Variants in MAGI1 observed in about 807,000 individuals in gnomAD.
MAGI1 encodes membrane-associated guanylate kinase, WW and PDZ domain-containing protein 1.
MAGI1 carries 58 observed loss-of-function variants against 139.9 expected under a neutral mutation model. The ratio of observed to expected loss-of-function variants is 0.41; its 90% CI spans 0.34 to 0.52. The LOEUF is 0.52. Among genes scored for constraint, MAGI1 ranks in the 20% least tolerant of loss-of-function variants. The probability of loss-of-function intolerance (pLI) is 0.12; values close to 1 mark genes in which losing one functional copy is unlikely to be tolerated. For missense variants in MAGI1, 1,874 were observed against 1,901.6 expected, an observed-to-expected ratio of 0.99 and a Z score of 0.27; for synonymous variants, 812 against 737.9, an observed-to-expected ratio of 1.10 and a Z score of -1.63.
chr3:65,639,537 G>T (rs914642499), intron 1 of MAGI1, among the ~76,000 whole-genome samples: 2 of 152,142 alleles, frequency 1.3e-5, no homozygotes, highest in South Asian at 4.1e-4. Flanking sequence ...GCATGTCCAC[G>T]TATCTGGTCA....
In MAGI1 at chr3:65,453,491, G is replaced by A. The variant is rs1352024825; in HGVS notation, c.960-151C>T. ...GCAAATCCAAACCAGAAGAGAGCCTGAGTTTACAATTATAAAATGGCTTGG... is the reference window on the plus strand; with the variant it reads ...GCAAATCCAAACCAGAAGAGAGCCTAAGTTTACAATTATAAAATGGCTTGG... On this transcript the variant is annotated intron_variant, in intron 5 of 22. Coordinates refer to ENST00000402939, the MANE Select transcript of MAGI1 (RefSeq NM_001033057.2). The A allele has an allele frequency of 6.3e-6, 4 of 632,870 alleles. No homozygotes were observed. The East Asian group carries it at 1.1e-4, about 17-fold the overall frequency. 39.2% of individuals were successfully genotyped at this position (632,870 alleles called of 1,614,324 possible).
intron 12 of MAGI1, among the ~76,000 whole-genome samples, chr3:65,419,969 T>C (rs1946523407): frequency 6.6e-6 from 1 of 152,066 alleles, no homozygotes; most frequent in African/African-American, 2.4e-5. Flanking sequence ...TGCTGACTAT[T>C]CTTTAGGTGT....
At chr3:65,409,168 A>C (rs76574665) in intron 12 of MAGI1, among the ~76,000 whole-genome samples, 2 of 152,228 alleles carry the variant, frequency 1.3e-5, no homozygotes, top group Admixed American at 6.5e-5. Flanking sequence ...CTAGCAAAGC[A>C]TCACTAAGAG....
At chr3:65,459,117 T>C (rs944778134) in intron 5 of MAGI1, among the ~76,000 whole-genome samples, 8 of 152,204 alleles carry the variant, frequency 5.3e-5, no homozygotes, top group African/African-American at 1.9e-4. Flanking sequence ...ACCGTAGATG[T>C]ATGGATTTGT....
chr3:65,533,776 A>G (rs1403199343), intron 2 of MAGI1, among the ~76,000 whole-genome samples: 25 of 152,304 alleles, frequency 1.6e-4, no homozygotes, highest in Non-Finnish European at 1.5e-5. Flanking sequence ...ATTAGAATCC[A>G]TGTGGTTAAG....
intron 13 of MAGI1, among the ~76,000 whole-genome samples, chr3:65,392,317 A>G (rs1943992298): frequency 6.6e-6 from 1 of 152,206 alleles, no homozygotes; most frequent in African/African-American, 2.4e-5. Context: ...ATTTTCTCCA[A>G]TAAAAGACTG....
At chr3:65,871,617 G>T (rs565956134) in intron 1 of MAGI1, among the ~76,000 whole-genome samples, 16 of 152,370 alleles carry the variant, frequency 1.1e-4, no homozygotes, top group Admixed American at 2.6e-4. Context: ...AGCAGGTGGA[G>T]TGAGGTGGAG....
At chr3:65,891,935 TATATATAC>T (rs1349042966) in intron 1 of MAGI1, among the ~76,000 whole-genome samples, 6 of 98,958 alleles carry the variant, frequency 6.1e-5, no homozygotes, top group South Asian at 3.3e-4. Flanking sequence ...TATATATATA[TATATATAC>T]CCGTGTTGCT....
intron 6 of MAGI1, among the ~76,000 whole-genome samples, chr3:65,450,266 T>C (rs780332984): frequency 1.9e-4 from 29 of 152,230 alleles, no homozygotes; most frequent in Admixed American, 4.6e-4. Context: ...GATAACATCA[T>C]CACATTTACA....
chr3:65,517,106 T>C (rs1257502972), intron 2 of MAGI1, among the ~76,000 whole-genome samples: 1 of 152,156 alleles, frequency 6.6e-6, no homozygotes, highest in African/African-American at 2.4e-5. Context: ...TCTAAAATTT[T>C]ACACTACCTG....
At chr3:65,378,045 C>T (rs1045868856) in intron 17 of MAGI1, among the ~76,000 whole-genome samples, 2 of 152,218 alleles carry the variant, frequency 1.3e-5, no homozygotes, top group Admixed American at 6.5e-5. Context: ...CTGCACAGCC[C>T]TTCCCCTTCT....
chr3:65,631,229 G>A (rs952429370), intron 1 of MAGI1, among the ~76,000 whole-genome samples: 1 of 152,156 alleles, frequency 6.6e-6, no homozygotes, highest in Non-Finnish European at 1.5e-5. Flanking sequence ...CACATGCAAT[G>A]GAGTCAAAAA....
At chr3:65,519,835 A>T (rs1216804248) in intron 2 of MAGI1, among the ~76,000 whole-genome samples, 1 of 152,248 alleles carries the variant, frequency 6.6e-6, no homozygotes, top group Non-Finnish European at 1.5e-5. Flanking sequence ...TAAGATGTGG[A>T]GTCCAATTCC....
chr3:65,436,246 C>T (rs1178386232), intron 10 of MAGI1, among the ~76,000 whole-genome samples: 1 of 150,626 alleles, frequency 6.6e-6, no homozygotes, highest in East Asian at 1.9e-4. Flanking sequence ...ATATGTAACA[C>T]AATTAAATCT....
chr3:65,622,094 G>A lies in MAGI1; in HGVS notation c.314-6C>T, dbSNP rs745400007. 3 of 1,592,416 alleles carry A rather than the reference G, an allele frequency of 1.9e-6. No homozygotes were observed. The highest frequency in any genetic ancestry group is 3.3e-5 in the Admixed American group (2 of 59,966). ...GTCCTTGTTCAGCCTTCCTCCTGCA[G>A]GAAATACATAAAATAGACATACCAC... On this transcript the variant is annotated splice_region_variant and splice_polypyrimidine_tract_variant and intron_variant, in intron 1 of 22. Transcript: ENST00000402939.
chr3:65,477,830 C>T (rs1950993987), intron 4 of MAGI1, among the ~76,000 whole-genome samples: 1 of 151,376 alleles, frequency 6.6e-6, no homozygotes, highest in Admixed American at 6.6e-5. Context: ...ACACATCATA[C>T]CCTGCAAATG....
rs145125559 is a variant in MAGI1 at position 65,455,607 on chromosome 3, C to A, written c.960-2267G>T. 5.0e-4 allele frequency among the ~76,000 whole-genome samples: 76 copies of A among 152,026 alleles called. No individual in the cohort carries two copies. In the Middle Eastern group the frequency reaches 0.01, roughly 20 times the overall value. ...CACACACTAGCCAGGTGTGGTGGTG[C>A]GCACCTGTGGTCCTAGCTACTGGAG... is the stretch of plus-strand genomic sequence containing the variant. On this transcript the variant is annotated intron_variant, in intron 5 of 22. Transcript: ENST00000402939.
At chr3:65,749,619 T>TA (rs2035977251) in intron 1 of MAGI1, among the ~76,000 whole-genome samples, 1 of 147,770 alleles carries the variant, frequency 6.8e-6, no homozygotes, top group African/African-American at 2.5e-5. Flanking sequence ...AAATCACCAC[T>TA]AAAAAACCTA....
chr3:65,880,117 C>A (rs1364653893), intron 1 of MAGI1, among the ~76,000 whole-genome samples: 11 of 152,146 alleles, frequency 7.2e-5, no homozygotes, highest in Admixed American at 2.0e-4. Context: ...TGGCACACAC[C>A]TGTAGTCCCA....
Sources: allele counts gnomAD v4.1 joint callset (sites outside exome capture counted in the v4.1 genomes callset), GRCh38; gene constraint gnomAD v4.1.1; transcripts MANE v1.5; gene names NCBI Gene and HGNC (gene_info 2026-07-23, HGNC 2026-07-21).